NCAPD2: variants seen among roughly 807,000 people sequenced by gnomAD.
The protein encoded by NCAPD2 is condensin complex subunit 1.
NCAPD2 carries 100 observed loss-of-function variants against 164.5 expected under a neutral mutation model. That is an observed-to-expected ratio of 0.61 (90% CI 0.52 to 0.72). The LOEUF (loss-of-function observed/expected upper bound fraction) is 0.72. Ranked by LOEUF, NCAPD2 falls within the 30% of genes least tolerant of loss-of-function variation. The pLI is 0.00. For missense variants in NCAPD2, 1,560 were observed against 1,749.2 expected, an observed-to-expected ratio of 0.89 and a Z score of 1.93; for synonymous variants, 585 against 642.6, an observed-to-expected ratio of 0.91 and a Z score of 1.36.
In NCAPD2 at chr12:6,522,859, G is replaced by T. The variant is rs1388159352; in HGVS notation, c.1986G>T (p.Met662Ile). Residue 662 changes from methionine to isoleucine, a missense_variant, in exon 16 of 32, where the codon ATG becomes ATT. By Grantham distance (10) the Met-to-Ile change is conservative (BLOSUM62 1). Coordinates refer to ENST00000315579, the MANE Select transcript of NCAPD2 (RefSeq NM_014865.4). ...VVQEVIEFFV[M>I]VFQFGVPQAL... Reference sequence around the variant, plus strand: ...AGGAGGTGATTGAATTCTTTGTGATGGTCTTCCAATTTGGGGTACCCCAGG... The same window carrying T: ...AGGAGGTGATTGAATTCTTTGTGATTGTCTTCCAATTTGGGGTACCCCAGG... 1.2e-6 allele frequency: 2 copies of T among 1,613,958 alleles called. No homozygotes were observed. Among genetic ancestry groups the T allele is most frequent in the East Asian group, 4.5e-5 (2 of 44,876 alleles).
intron 10 of NCAPD2, 56 bp downstream of exon 10, chr12:6,517,081 AGAG>A (rs1472795957): frequency 1.3e-6 from 2 of 1,565,450 alleles, no homozygotes; most frequent in East Asian, 4.5e-5. Context: ...ACCAGTGTAA[AGAG>A]GAATCCAGTG....
rs1592180546 is a variant in NCAPD2, at chr12:6,531,787, A to G, written c.*375A>G. 4.1e-6 allele frequency: 1 copy of G among 244,906 alleles called. No individual in the cohort carries two copies. The highest frequency in any genetic ancestry group is 5.2e-5 in the Admixed American group (1 of 19,244). The allele number at this position is 244,906 out of a possible 1,614,324, so 15.2% of individuals were successfully genotyped here. ...CCATTGCACTCCAGCTTGGGCAACA[A>G]TAGCGAACCTCCATCTCAAATTAAA... On this transcript the variant is annotated 3_prime_UTR_variant, in exon 32 of 32. Transcript: ENST00000315579. This position sits in a 1 kb window ranked among gnomAD's most constrained non-coding sequence, Gnocchi z 4.1.
intron 2 of NCAPD2, among the ~76,000 whole-genome samples, chr12:6,503,956 C>T (rs974729432): frequency 7.3e-5 from 11 of 150,782 alleles, no homozygotes; most frequent in East Asian, 5.8e-4. Context: ...CCAGCCTGGG[C>T]GACAGAGCGA....
chr12:6,528,491 G>A lies in NCAPD2; in HGVS notation c.3299+163G>A, dbSNP rs2137061292. ...GCCCCTGGCTAAGAGTCACCCCAGT[G>A]GGACTGACACTTCTGGTTAGAAGCT... On this transcript the variant is annotated intron_variant, in intron 25 of 31. Coordinates refer to ENST00000315579, the MANE Select transcript of NCAPD2 (RefSeq NM_014865.4). This position sits in a 1 kb window ranked among gnomAD's most constrained non-coding sequence, Gnocchi z 5.1. The A allele has an allele frequency of 1.7e-6, 2 of 1,147,818 alleles. No homozygotes were observed. Among genetic ancestry groups the A allele is most frequent in the Non-Finnish European group, 1.2e-6 (1 of 808,422 alleles). 71.1% of individuals were successfully genotyped at this position (1,147,818 alleles called of 1,614,324 possible).
At chr12:6,498,632 G>A (rs548571138) in intron 2 of NCAPD2, among the ~76,000 whole-genome samples, 4 of 150,640 alleles carry the variant, frequency 2.7e-5, no homozygotes, top group Admixed American at 1.3e-4. Flanking sequence ...TTTTTGAGAC[G>A]GAGTCTTGCT....
In NCAPD2 at chr12:6,528,767, C is replaced by T. The variant is rs775371502; in HGVS notation, c.3388C>T (p.Gln1130Ter). 1 of 1,614,106 alleles carries T rather than the reference C, an allele frequency of 6.2e-7. No individual in the cohort carries two copies. The stretch of plus-strand genomic sequence containing the variant: ...CAAGGACATGGTGAAGGTGAAGGGG[C>T]AGGTCAGCGAGATGGCGGTGCTGCT... ...ILKDMVKVKGQVSEMAVLLID... is the reference protein window; with the variant it reads ...ILKDMVKVKG Residue 1130 changes from glutamine (Q) to a stop codon, truncating the protein, a stop_gained, in exon 26 of 32, where the codon CAG becomes TAG. Transcript: ENST00000315579. LOFTEE classifies it high-confidence loss of function. The surrounding 1 kb of genome is among the most constrained non-coding windows in gnomAD (Gnocchi z 5.1).
intron 6 of NCAPD2, among the ~76,000 whole-genome samples, chr12:6,513,843 G>A (rs1295316079): frequency 2.0e-5 from 3 of 150,750 alleles, no homozygotes; most frequent in Non-Finnish European, 4.4e-5. Flanking sequence ...AGCCTCCCAA[G>A]TAGCTGGGAT....
intron 6 of NCAPD2, among the ~76,000 whole-genome samples, chr12:6,513,715 C>CT (rs71067124): frequency 0.029 from 2,154 of 74,842 alleles, 498 homozygotes; most frequent in African/African-American, 0.12. Flanking sequence ...GTGACTTTGT[C>CT]TTTTTTTTTT....
chr12:6,496,906 G>A (rs1945989927), intron 2 of NCAPD2, among the ~76,000 whole-genome samples: 1 of 152,190 alleles, frequency 6.6e-6, no homozygotes, highest in African/African-American at 2.4e-5. Context: ...CCTACACAGG[G>A]TCAAGGTCAC....
At chr12:6,499,237 G>C (rs1416203535) in intron 2 of NCAPD2, among the ~76,000 whole-genome samples, 3 of 151,820 alleles carry the variant, frequency 2.0e-5, no homozygotes, top group African/African-American at 4.8e-5. Context: ...TTAAGATAAG[G>C]GTCTTGCTTT....
intron 17 of NCAPD2, among the ~76,000 whole-genome samples, chr12:6,524,029 T>A (rs1319680480): frequency 6.6e-6 from 1 of 152,200 alleles, no homozygotes; most frequent in Non-Finnish European, 1.5e-5. Flanking sequence ...ATGAGAAATC[T>A]GAGGCACAGA....
chr12:6,530,815 C>A lies in NCAPD2; in HGVS notation c.3962C>A (p.Thr1321Asn). Residue 1321 changes from threonine (T) to asparagine (N), a missense_variant and splice_region_variant, in exon 30 of 32, where the codon ACT becomes AAT. Thr to Asn is a moderately conservative substitution (Grantham distance 65, BLOSUM62 0). Transcript: ENST00000315579. Reference protein sequence around the residue: ...QRAPSAKKPSTGSRYQPLAST... With the variant: ...QRAPSAKKPSNGSRYQPLAST... Reference sequence around the variant, plus strand: ...GCGCCATCAGCCAAGAAACCATCCACTGGTACGTAAGGCAGCCTGTGCGGG... The same window carrying A: ...GCGCCATCAGCCAAGAAACCATCCAATGGTACGTAAGGCAGCCTGTGCGGG... 1 of 1,614,000 alleles carries A rather than the reference C, an allele frequency of 6.2e-7. No homozygotes were observed. The highest frequency in any genetic ancestry group is 8.5e-7 in the Non-Finnish European group (1 of 1,179,994).
intron 14 of NCAPD2, 54 bp downstream of exon 14, chr12:6,521,164 T>A (rs1946260175): frequency 1.1e-5 from 18 of 1,598,994 alleles, no homozygotes; most frequent in Non-Finnish European, 1.5e-5. Flanking sequence ...TGGTATTTAC[T>A]GAGCATTAAC....
intron 2 of NCAPD2, among the ~76,000 whole-genome samples, chr12:6,499,113 G>T (rs1946011034): frequency 6.6e-6 from 1 of 152,100 alleles, no homozygotes; most frequent in African/African-American, 2.4e-5. Flanking sequence ...TCACATCCCA[G>T]GCAGGAGGCG....
chr12:6,503,159 A>G (rs545656576), intron 2 of NCAPD2, among the ~76,000 whole-genome samples: 1 of 152,010 alleles, frequency 6.6e-6, no homozygotes, highest in South Asian at 2.1e-4. Context: ...CTGGCCTACA[A>G]AGGTTTCTAA....
Position 6,511,031 on chromosome 12 carries a change from G to T in NCAPD2, c.445-79G>T, listed in dbSNP as rs192740078. On this transcript the variant is annotated intron_variant, in intron 5 of 31. Coordinates refer to ENST00000315579, the MANE Select transcript of NCAPD2 (RefSeq NM_014865.4). ...TTCTATGTTGTCTTGGTACTAGATT[G>T]TTTGGGCACTCAGACTGACAGATCT... The T allele has an allele frequency of 5.9e-3, 8,837 of 1,487,960 alleles. 68 individuals carry two copies. The highest frequency in any genetic ancestry group is 5.4e-3 in the Non-Finnish European group (5,824 of 1,084,616). The allele number at this position is 1,487,960 out of a possible 1,614,324, so 92.2% of individuals were successfully genotyped here.
At chr12:6,517,545 A>G (rs1011953795) in intron 11 of NCAPD2, 46 bp downstream of exon 11, 19 of 1,614,222 alleles carry the variant, frequency 1.2e-5, no homozygotes, top group African/African-American at 5.3e-5. Flanking sequence ...AAATGGAAAC[A>G]GGGATGAAAT....
In NCAPD2 at chr12:6,531,870, GAACTGCGTTGAGCTGCTTC is replaced by G. The variant is rs1334525684; in HGVS notation, c.*463_*481del. On this transcript the variant is annotated 3_prime_UTR_variant, in exon 32 of 32. Coordinates refer to ENST00000315579, the MANE Select transcript of NCAPD2 (RefSeq NM_014865.4). The surrounding 1 kb of genome is among the most constrained non-coding windows in gnomAD (Gnocchi z 4.1). ...GGCTTTCTCTTAAATTAGCCTAACT[GAACTGCGTTGAGCTGCTTC>G]AACTTTGGAATATATGTTTGCCAAT... The G allele has an allele frequency of 1.0e-5, 2 of 197,950 alleles. No homozygotes were observed. The highest frequency in any genetic ancestry group is 2.1e-5 in the Non-Finnish European group (2 of 94,448). The allele number at this position is 197,950 out of a possible 1,614,324, so 12.3% of individuals were successfully genotyped here.
rs1026204262 is a variant in NCAPD2 at position 6,503,293 on chromosome 12, T to C, written c.128-6424T>C. On this transcript the variant is annotated intron_variant, in intron 2 of 31. Transcript: ENST00000315579. ...AGAAAAATATGCTGTTATAACTGAA[T>C]GCCTGAGACTGGATATTTATAATGA... Among the ~76,000 whole-genome samples, 4 of 142,906 alleles carry C rather than the reference T, an allele frequency of 2.8e-5. No individual in the cohort carries two copies. The East Asian group carries it at 6.2e-4, about 22-fold the overall frequency. The allele number at this position is 142,906 out of a possible 152,430, so 93.8% of individuals were successfully genotyped here.
Sources: allele counts gnomAD v4.1 joint callset (sites outside exome capture counted in the v4.1 genomes callset), GRCh38; gene constraint gnomAD v4.1.1; non-coding constraint Gnocchi (gnomAD v3.1); transcripts MANE v1.5; gene names NCBI Gene and HGNC (gene_info 2026-07-23, HGNC 2026-07-21).